Variants in FRAS1 observed in about 807,000 individuals in gnomAD.
FRAS1 encodes extracellular matrix organizing protein FRAS1.
FRAS1 carries 290 observed loss-of-function variants against 435.2 expected under a neutral mutation model. The observed-to-expected ratio is 0.67, with a 90% CI of 0.61 to 0.73. The LOEUF (loss-of-function observed/expected upper bound fraction) is 0.73. Among genes scored for constraint, FRAS1 ranks in the 30% least tolerant of loss-of-function variants. The probability of loss-of-function intolerance (pLI) is 0.00; values close to 1 mark genes in which losing one functional copy is unlikely to be tolerated. For synonymous variants in FRAS1, 1,800 were observed against 1,851.0 expected (o/e 0.97, Z 0.71); for missense variants, 4,860 against 5,001.5 (o/e 0.97, Z 0.85).
At chr4:78,116,662 T>G (rs964217126) in intron 2 of FRAS1, among the ~76,000 whole-genome samples, 3 of 152,220 alleles carry the variant, frequency 2.0e-5, no homozygotes, top group Non-Finnish European at 2.9e-5. Flanking sequence ...TCCCTGCCTT[T>G]TTTTGTTTTC....
chr4:78,530,196 G>A (rs533995889), intron 70 of FRAS1, among the ~76,000 whole-genome samples: 101 of 151,894 alleles, frequency 6.6e-4, no homozygotes, highest in Non-Finnish European at 1.1e-3. Context: ...TTTCTCCAGG[G>A]TAGGTTCTGG....
chr4:78,522,512 G>A, intron 68 of FRAS1, 137 bp from the exon 69 acceptor site: 1 of 729,720 alleles, frequency 1.4e-6, no homozygotes, highest in Middle Eastern at 3.8e-4. Flanking sequence ...ATTCTAAGGG[G>A]CAAAATGGGC....
chr4:78,194,998 C>T (rs1282292397), intron 2 of FRAS1, among the ~76,000 whole-genome samples: 2 of 152,156 alleles, frequency 1.3e-5, no homozygotes, highest in African/African-American at 4.8e-5. Flanking sequence ...ACAGTCAGGT[C>T]CCTCAGCTGC....
At position 78,364,000 on chromosome 4, in the gene FRAS1, T is replaced by G; in HGVS notation, c.2668T>G (p.Cys890Gly). ...TNLVLSHTGT[C>G]STTCFPGHYL... is the part of the protein sequence containing the mutation. ...CCTCGTGCTGTCCCACACTGGCACC[T>G]GCAGCACCACCTGCTTCCCTGGGCA... Residue 890 changes from cysteine (C) to glycine (G), a missense_variant, in exon 22 of 74, where the codon TGC becomes GGC. Physicochemically the swap from Cys to Gly is radical, Grantham distance 159. Transcript: ENST00000512123. 6.2e-7 allele frequency: 1 copy of G among 1,608,916 alleles called. No homozygotes were observed. Among genetic ancestry groups the G allele is most frequent in the Non-Finnish European group, 8.5e-7 (1 of 1,177,484 alleles).
chr4:78,413,115 A>T (rs775051922), intron 32 of FRAS1, 30 bp downstream of exon 32: 2 of 1,348,116 alleles, frequency 1.5e-6, no homozygotes, highest in Non-Finnish European at 2.1e-6. Flanking sequence ...TGTGGTTTCC[A>T]CTTAGAGGAG....
chr4:78,297,038 A>G (rs535335188), intron 14 of FRAS1, among the ~76,000 whole-genome samples: 3 of 152,294 alleles, frequency 2.0e-5, no homozygotes, highest in Non-Finnish European at 4.4e-5. Flanking sequence ...AAATTTACCC[A>G]CTGTCTCCTG....
chr4:78,087,390 C>T (rs1347504684), intron 2 of FRAS1, among the ~76,000 whole-genome samples: 2 of 152,160 alleles, frequency 1.3e-5, no homozygotes. Context: ...TCTCTCACCA[C>T]TCCTATTCAA....
intron 29 of FRAS1, among the ~76,000 whole-genome samples, chr4:78,391,056 A>G (rs1209155496): frequency 2.6e-5 from 4 of 152,128 alleles, no homozygotes; most frequent in Non-Finnish European, 5.9e-5. Flanking sequence ...TGGATGGGTA[A>G]TGGATGGATG....
intron 2 of FRAS1, among the ~76,000 whole-genome samples, chr4:78,152,811 ATCTG>A (rs1195957003): frequency 6.6e-6 from 1 of 151,930 alleles, no homozygotes; most frequent in East Asian, 1.9e-4. Flanking sequence ...TTGGATCTAA[ATCTG>A]TCTGTCAGCA....
intron 31 of FRAS1, among the ~76,000 whole-genome samples, chr4:78,409,533 G>T (rs1161295505): frequency 6.6e-6 from 1 of 152,118 alleles, no homozygotes; most frequent in African/African-American, 2.4e-5. Context: ...CAGAGGAATT[G>T]GTTAATTATA....
At chr4:78,402,551 A>T (rs1317618970) in intron 30 of FRAS1, among the ~76,000 whole-genome samples, 1 of 152,172 alleles carries the variant, frequency 6.6e-6, no homozygotes, top group Non-Finnish European at 1.5e-5. Context: ...TTTAGACTAA[A>T]CAGTTGCAAA....
At chr4:78,115,261 G>A (rs1295532326) in intron 2 of FRAS1, among the ~76,000 whole-genome samples, 4 of 152,276 alleles carry the variant, frequency 2.6e-5, no homozygotes, top group East Asian at 3.9e-4. Context: ...TTGCATCCAT[G>A]TTCATCACGG....
chr4:78,104,187 G>C (rs1241317246), intron 2 of FRAS1, among the ~76,000 whole-genome samples: 1 of 152,192 alleles, frequency 6.6e-6, no homozygotes, highest in Non-Finnish European at 1.5e-5. Context: ...AAGATGTTTA[G>C]AAAATAAATC....
At chr4:78,315,385 A>G (rs1729197179) in intron 15 of FRAS1, among the ~76,000 whole-genome samples, 1 of 152,292 alleles carries the variant, frequency 6.6e-6, no homozygotes, top group Admixed American at 6.5e-5. Flanking sequence ...GCTTAGTTCA[A>G]TGAGTAATTC....
At chr4:78,279,218 A>T (rs1044572074) in intron 10 of FRAS1, among the ~76,000 whole-genome samples, 1 of 152,254 alleles carries the variant, frequency 6.6e-6, no homozygotes, top group African/African-American at 2.4e-5. Context: ...AGGCACTGAG[A>T]CGCAAGTGTG....
Position 78,540,590 on chromosome 4 carries a change from C to T in FRAS1, c.11505C>T (p.Ile3835=). 6.5e-7 allele frequency: 1 copy of T among 1,530,934 alleles called. No homozygotes were observed. The highest frequency in any genetic ancestry group is 8.8e-7 in the Non-Finnish European group (1 of 1,140,190). 94.8% of individuals were successfully genotyped at this position (1,530,934 alleles called of 1,614,324 possible). The part of the protein sequence containing the change: ...QVIYIIGPDT[I]SGPRVQRSLT... ...TCTACATCATTGGCCCTGACACCAT[C>T]TCAGGGCCCCGGGTCCAGCGCTCTC... Residue 3835 remains isoleucine (I), a synonymous_variant, in exon 74 of 74, where the codon ATC becomes ATT. Coordinates refer to ENST00000512123, the MANE Select transcript of FRAS1 (RefSeq NM_025074.7).
intron 2 of FRAS1, among the ~76,000 whole-genome samples, chr4:78,149,160 A>G (rs1285609274): frequency 2.0e-5 from 3 of 152,168 alleles, no homozygotes; most frequent in African/African-American, 7.2e-5. Flanking sequence ...GAAATGGCAG[A>G]GCTGGGGCTG....
At chr4:78,263,458 A>G (rs958028478) in intron 6 of FRAS1, among the ~76,000 whole-genome samples, 1 of 152,202 alleles carries the variant, frequency 6.6e-6, no homozygotes, top group African/African-American at 2.4e-5. Flanking sequence ...GGACTCTGCT[A>G]CAGTTCTTGA....
rs564985967 is a variant in FRAS1, at chr4:78,365,751, CA to C, written c.2722+1709del. Among the ~76,000 whole-genome samples the C allele has an allele frequency of 8.9e-3, 1,160 of 130,868 alleles. 8 individuals carry two copies. The highest frequency in any genetic ancestry group is 0.013 in the Non-Finnish European group (839 of 63,148). 85.9% of individuals were successfully genotyped at this position (130,868 alleles called of 152,430 possible). A position where few individuals can be genotyped will look rare whatever the true frequency, so the allele number is the denominator to read the frequency against. On this transcript the variant is annotated intron_variant, in intron 22 of 73. Transcript: ENST00000512123. ...TTCTAGTACATTAAAAAAAAAAAAACAAAAAAAAAAAACAGCCTGACCAACA... is the reference window on the plus strand; with the variant it reads ...TTCTAGTACATTAAAAAAAAAAAAACAAAAAAAAAAACAGCCTGACCAACA...
Sources: gnomAD v4.1 joint callset for allele counts (sites outside exome capture counted in the v4.1 genomes callset) on GRCh38, gnomAD v4.1.1 for gene constraint, MANE v1.5 for transcripts, NCBI Gene and HGNC (gene_info 2026-07-23, HGNC 2026-07-21) for gene names.